Variants in DCAF8L2 observed in about 807,000 individuals in gnomAD.
DCAF8L2 encodes DDB1 and CUL4 associated factor 8 like 2, also known as DDB1- and CUL4-associated factor 8-like protein 2.
For synonymous variants in DCAF8L2, 200 were observed against 190.9 expected (o/e 1.05, Z -0.39); for missense variants, 430 against 490.7 (o/e 0.88, Z 1.17).
At chrX:27,705,009 G>T (rs1297924946) in intron 3 of DCAF8L2, among the ~76,000 whole-genome samples, 2 of 109,752 alleles carry the variant, frequency 1.8e-5, no homozygotes, top group South Asian at 4.0e-4. Flanking sequence ...TTCCCTCCTA[G>T]TGTTCATGTG....
the DCAF8L2 span, chrX:27,519,371 A>C: frequency 8.7e-7 from 1 of 1,155,008 alleles, no homozygotes; most frequent in Non-Finnish European, 1.2e-6. Flanking sequence ...GTAGCAAAAC[A>C]AGCTGCCGAC....
intron 3 of DCAF8L2, among the ~76,000 whole-genome samples, chrX:27,703,488 A>G (rs1916953376): frequency 8.9e-6 from 1 of 111,946 alleles, no homozygotes; most frequent in South Asian, 3.7e-4. Context: ...CATGATAATT[A>G]ATTGAATAGA....
At chrX:27,611,460 G>T (rs187202883) in intron 1 of DCAF8L2, among the ~76,000 whole-genome samples, 65 of 108,947 alleles carry the variant, frequency 6.0e-4, no homozygotes, top group African/African-American at 1.8e-3. Context: ...ATATATATAT[G>T]TACTTTAAGT....
chrX:27,476,365 A>G, the DCAF8L2 span, among the ~76,000 whole-genome samples: 1 of 111,602 alleles, frequency 9.0e-6, no homozygotes, highest in East Asian at 2.8e-4. Context: ...AATTCAAGAA[A>G]TATATAAAGG....
chrX:27,688,114 G>A (rs1021921159), intron 3 of DCAF8L2, among the ~76,000 whole-genome samples: 1 of 111,365 alleles, frequency 9.0e-6, no homozygotes, highest in African/African-American at 3.3e-5. Context: ...CAGATAAAAA[G>A]AAATGGGCTT....
intron 4 of DCAF8L2, among the ~76,000 whole-genome samples, chrX:27,725,617 T>C (rs1028636213): frequency 9.1e-6 from 1 of 110,375 alleles, no homozygotes; most frequent in African/African-American, 3.3e-5. Context: ...TCCAATAATA[T>C]ACATGGTTAA....
the DCAF8L2 span, among the ~76,000 whole-genome samples, chrX:27,508,109 A>G: frequency 8.9e-6 from 1 of 111,867 alleles, no homozygotes; most frequent in Non-Finnish European, 1.9e-5. Flanking sequence ...TAGTATACCA[A>G]TAAGAAATTG....
At chrX:27,646,167 T>C (rs1362478366) in intron 2 of DCAF8L2, among the ~76,000 whole-genome samples, 1 of 111,668 alleles carries the variant, frequency 9.0e-6, no homozygotes, top group East Asian at 2.8e-4. Context: ...CAAACTATAT[T>C]ACAAAGCTAC....
intron 2 of DCAF8L2, among the ~76,000 whole-genome samples, chrX:27,641,609 T>A (rs1928727327): frequency 9.2e-6 from 1 of 108,219 alleles, no homozygotes; most frequent in Admixed American, 9.9e-5. Context: ...ATAGCTGGGA[T>A]TCCAGGTGTG....
intron 2 of DCAF8L2, among the ~76,000 whole-genome samples, chrX:27,658,289 C>A (rs1284930707): frequency 4.5e-5 from 5 of 111,438 alleles, no homozygotes; most frequent in African/African-American, 1.6e-4. Context: ...AACAACAGGG[C>A]AAAATTAAAT....
chrX:27,685,676 T>C (rs12396317), intron 3 of DCAF8L2, among the ~76,000 whole-genome samples: 10,492 of 111,303 alleles, frequency 0.094, 471 homozygotes, highest in East Asian at 0.34. Context: ...TCTGGGCAAA[T>C]ATATTTTTGT....
intron 4 of DCAF8L2, among the ~76,000 whole-genome samples, chrX:27,734,592 C>T (rs964986005): frequency 1.8e-5 from 2 of 112,085 alleles, no homozygotes; most frequent in Non-Finnish European, 3.8e-5. Flanking sequence ...GCACCACTCT[C>T]AATAATAATA....
chrX:27,479,690 T>A, the DCAF8L2 span, among the ~76,000 whole-genome samples: 1 of 112,186 alleles, frequency 8.9e-6, no homozygotes, highest in African/African-American at 3.2e-5. Context: ...TAATTTTGAA[T>A]TTGATGGACA....
chrX:27,703,184 AAAT>A (rs1569186596), intron 3 of DCAF8L2, among the ~76,000 whole-genome samples: 2 of 111,695 alleles, frequency 1.8e-5, no homozygotes, highest in African/African-American at 3.2e-5. Flanking sequence ...AGTTCGACAG[AAAT>A]GAAAGATTTA....
At chrX:27,621,780 T>C (rs928756886) in intron 1 of DCAF8L2, among the ~76,000 whole-genome samples, 1 of 110,269 alleles carries the variant, frequency 9.1e-6, no homozygotes, top group African/African-American at 3.3e-5. Context: ...ATAGCTTCCA[T>C]CCAGAAGTTC....
At chrX:27,672,929 C>G (rs758102125) in intron 2 of DCAF8L2, among the ~76,000 whole-genome samples, 1 of 110,952 alleles carries the variant, frequency 9.0e-6, no homozygotes, top group East Asian at 2.8e-4. Flanking sequence ...TACTACTTTA[C>G]ATTGAAGAAA....
chrX:27,533,672 A>T, the DCAF8L2 span, among the ~76,000 whole-genome samples: 33 of 111,695 alleles, frequency 3.0e-4, no homozygotes, highest in East Asian at 6.8e-3. Context: ...GGTCAATTTA[A>T]ACAAGACAAA....
the DCAF8L2 span, among the ~76,000 whole-genome samples, chrX:27,497,075 T>C: frequency 8.9e-6 from 1 of 111,806 alleles, no homozygotes; most frequent in African/African-American, 3.3e-5. Context: ...GGGAAGCTTC[T>C]TTGGGAGGGA....
chrX:27,628,970 G>C (rs1928171938), intron 1 of DCAF8L2, among the ~76,000 whole-genome samples: 1 of 111,496 alleles, frequency 9.0e-6, no homozygotes, highest in Non-Finnish European at 1.9e-5. Flanking sequence ...AATGATTAAT[G>C]ATGTTGATTA....
Sources: allele counts gnomAD v4.1 joint callset (sites outside exome capture counted in the v4.1 genomes callset), GRCh38; gene constraint gnomAD v4.1.1; transcripts MANE v1.5; gene names NCBI Gene and HGNC (gene_info 2026-07-23, HGNC 2026-07-21).